GRM7: variants seen among roughly 807,000 people sequenced by gnomAD.
GRM7 encodes the protein glutamate metabotropic receptor 7, also known as metabotropic glutamate receptor 7.
Under a neutral mutation model 84.5 loss-of-function variants are expected in GRM7, and 35 were observed. The observed-to-expected ratio is 0.41, with a 90% CI of 0.32 to 0.55. GRM7 has a LOEUF of 0.55. Among genes scored for constraint, GRM7 ranks in the 20% least tolerant of loss-of-function variants. The pLI, the probability that GRM7 is intolerant of heterozygous loss-of-function variation, is 0.19. For missense variants in GRM7, 1,003 were observed against 1,194.6 expected, an observed-to-expected ratio of 0.84 and a Z score of 2.36; for synonymous variants, 487 against 455.1, an observed-to-expected ratio of 1.07 and a Z score of -0.89.
chr3:6,904,799 C>A (rs770795375), intron 1 of GRM7, among the ~76,000 whole-genome samples: 1 of 151,936 alleles, frequency 6.6e-6, no homozygotes, highest in Non-Finnish European at 1.5e-5. Flanking sequence ...TGGTTCACTG[C>A]AGCCTTTACC....
chr3:7,217,833 A>T (rs1167978339), intron 2 of GRM7, among the ~76,000 whole-genome samples: 1 of 148,768 alleles, frequency 6.7e-6, no homozygotes, highest in Non-Finnish European at 1.5e-5. Flanking sequence ...AGATGTGTGT[A>T]TATGTGTGTG....
Position 7,359,254 on chromosome 3 carries a change from G to GTGTGTGTGTGTGTGTA in GRM7, c.1033+52603_1033+52604insGTGTGTGTGTGTGTAT, listed in dbSNP as rs1491514036. ...TGTGTGTGTGTGTGTGTGTGTGTGT[G>GTGTGTGTGTGTGTGTA]TTGTGGTTTTATACTCAGGTTTTCC... On this transcript the variant is annotated intron_variant, in intron 4 of 9. Transcript: ENST00000357716. Among the ~76,000 whole-genome samples, 11 of 133,710 alleles carry GTGTGTGTGTGTGTGTA rather than the reference G, an allele frequency of 8.2e-5. 2 individuals are homozygous for GTGTGTGTGTGTGTGTA. The highest frequency in any genetic ancestry group is 3.2e-4 in the African/African-American group (11 of 34,906). 87.7% of individuals were successfully genotyped at this position (133,710 alleles called of 152,430 possible). A position where few individuals can be genotyped will look rare whatever the true frequency, so the allele number is the denominator to read the frequency against.
chr3:7,449,216 A>T (rs1212734670), intron 5 of GRM7, among the ~76,000 whole-genome samples: 2 of 152,098 alleles, frequency 1.3e-5, no homozygotes, highest in Non-Finnish European at 2.9e-5. Flanking sequence ...TGATTCATGA[A>T]AAATAACACC....
rs890946749 is a variant in GRM7 at position 6,875,169 on chromosome 3, T to A, written c.519+13262T>A. 4.6e-5 allele frequency among the ~76,000 whole-genome samples: 7 copies of A among 152,310 alleles called. 1 individual carries two copies. The highest frequency in any genetic ancestry group is 3.9e-4 in the East Asian group (2 of 5,180). On this transcript the variant is annotated intron_variant, in intron 1 of 9. Transcript: ENST00000357716. ...TTTCTCATAAGGGAAACATTCTAAC[T>A]AAAATTGTAGCTATTTTTTTAAATA...
At chr3:7,022,260 A>G (rs1031701421) in intron 1 of GRM7, among the ~76,000 whole-genome samples, 1 of 151,886 alleles carries the variant, frequency 6.6e-6, no homozygotes, top group Non-Finnish European at 1.5e-5. Context: ...TGGGAAGTAG[A>G]GATTGCAGTG....
Position 7,044,299 on chromosome 3 carries a change from T to A in GRM7, c.520-102153T>A, listed in dbSNP as rs1165190176. ...TTTGTATACACGGATACCTTAAGTC[T>A]ATACCAAAAGCTTTAATGATATTGA... On this transcript the variant is annotated intron_variant, in intron 1 of 9. Transcript: ENST00000357716. Among the ~76,000 whole-genome samples, 3 of 152,324 alleles carry A rather than the reference T, an allele frequency of 2.0e-5. No individual in the cohort carries two copies. In the East Asian group the frequency reaches 5.8e-4, roughly 29 times the overall value.
At chr3:7,426,723 T>G (rs1696625653) in intron 5 of GRM7, among the ~76,000 whole-genome samples, 1 of 152,138 alleles carries the variant, frequency 6.6e-6, no homozygotes, top group East Asian at 1.9e-4. Flanking sequence ...TAAAACCAGC[T>G]GCTCACATAT....
intron 2 of GRM7, among the ~76,000 whole-genome samples, chr3:7,280,148 T>G (rs1331362465): frequency 6.6e-6 from 1 of 152,206 alleles, no homozygotes. Flanking sequence ...TCATTAATCA[T>G]AAAAAGGCCT....
At chr3:7,353,905 TG>T (rs1230312094) in intron 4 of GRM7, among the ~76,000 whole-genome samples, 1 of 152,012 alleles carries the variant, frequency 6.6e-6, no homozygotes, top group Non-Finnish European at 1.5e-5. Context: ...CCTGTGGCAT[TG>T]GCTAATTAAT....
chr3:7,543,665 A>T (rs1693004499), intron 7 of GRM7, among the ~76,000 whole-genome samples: 1 of 152,244 alleles, frequency 6.6e-6, no homozygotes. Flanking sequence ...TATGGAGTAA[A>T]ACTTAGCAAG....
intron 2 of GRM7, among the ~76,000 whole-genome samples, chr3:7,155,126 C>T (rs529494303): frequency 3.9e-5 from 6 of 152,232 alleles, no homozygotes; most frequent in Admixed American, 2.6e-4. Context: ...ATATCCAATA[C>T]GTCCTCCACT....
At chr3:7,054,958 A>G (rs1697159088) in intron 1 of GRM7, among the ~76,000 whole-genome samples, 1 of 151,952 alleles carries the variant, frequency 6.6e-6, no homozygotes, top group Admixed American at 6.6e-5. Context: ...TGCAAGGCTC[A>G]TCTAATTTGT....
At chr3:7,185,837 T>C (rs1398340927) in intron 2 of GRM7, among the ~76,000 whole-genome samples, 1 of 152,216 alleles carries the variant, frequency 6.6e-6, no homozygotes, top group African/African-American at 2.4e-5. Flanking sequence ...TTGGGAACTC[T>C]TGCCCTTCAA....
At chr3:7,651,634 T>C (rs1039043420) in intron 8 of GRM7, among the ~76,000 whole-genome samples, 3 of 152,214 alleles carry the variant, frequency 2.0e-5, no homozygotes, top group African/African-American at 7.2e-5. Context: ...CTCAGTTCCA[T>C]GCAGGAAATT....
chr3:7,255,569 T>A (rs1698163959), intron 2 of GRM7, among the ~76,000 whole-genome samples: 1 of 152,194 alleles, frequency 6.6e-6, no homozygotes, highest in Non-Finnish European at 1.5e-5. Flanking sequence ...TGCTTCCAAA[T>A]TTTCAGATAA....
chr3:7,277,440 A>G (rs1699113762), intron 2 of GRM7, among the ~76,000 whole-genome samples: 1 of 152,062 alleles, frequency 6.6e-6, no homozygotes, highest in African/African-American at 2.4e-5. Flanking sequence ...CATGGGGTAC[A>G]GCTTCAGATG....
chr3:7,574,013 T>C (rs1161203856), intron 7 of GRM7, among the ~76,000 whole-genome samples: 1 of 152,088 alleles, frequency 6.6e-6, no homozygotes, highest in African/African-American at 2.4e-5. Context: ...CAGGGTAGAG[T>C]TTTATTAGTG....
intron 9 of GRM7, chr3:7,681,650 G>C (rs1264349199): frequency 6.6e-6 from 1 of 152,220 alleles, no homozygotes; most frequent in Non-Finnish European, 1.5e-5. Context: ...TGTGTCTCCA[G>C]AGCAAGTGGC....
In GRM7 at chr3:7,265,242, AC is replaced by A. The variant is rs141043041; in HGVS notation, c.737-33441del. On this transcript the variant is annotated intron_variant, in intron 2 of 9. Coordinates refer to ENST00000357716, the MANE Select transcript of GRM7 (RefSeq NM_000844.4). ...TTTGGAATGGAAACCTTTCAGTTCAACTTTTGATCTGACTTGACTTTAAGGT... is the reference window on the plus strand; with the variant it reads ...TTTGGAATGGAAACCTTTCAGTTCAATTTTGATCTGACTTGACTTTAAGGT... Among the ~76,000 whole-genome samples, 1,206 of 152,352 alleles carry A rather than the reference AC, an allele frequency of 7.9e-3. 14 individuals carry two copies. Among genetic ancestry groups the A allele is most frequent in the African/African-American group, 0.028 (1,155 of 41,582 alleles).
Sources: gnomAD v4.1 joint callset for allele counts (sites outside exome capture counted in the v4.1 genomes callset) on GRCh38, gnomAD v4.1.1 for gene constraint, MANE v1.5 for transcripts, NCBI Gene and HGNC (gene_info 2026-07-23, HGNC 2026-07-21) for gene names.